Variants in PCDH15 observed in about 807,000 individuals in gnomAD.
PCDH15 encodes protocadherin related 15.
PCDH15 carries 129 observed loss-of-function variants against 178.5 expected under a neutral mutation model. That is an observed-to-expected ratio of 0.72 (90% CI 0.63 to 0.84). The LOEUF is 0.84. Among genes scored for constraint, PCDH15 ranks in the 40% least tolerant of loss-of-function variants. PCDH15 has a pLI of 0.00. For synonymous variants in PCDH15, 800 were observed against 732.0 expected (o/e 1.09, Z -1.50); for missense variants, 2,230 against 2,099.9 (o/e 1.06, Z -1.21).
chr10:54,987,546 G>GT (rs1213480948), intron 2 of PCDH15, among the ~76,000 whole-genome samples: 1 of 152,130 alleles, frequency 6.6e-6, no homozygotes, highest in African/African-American at 2.4e-5. Flanking sequence ...GGCCTTTTTA[G>GT]TGATTGCTAT....
chr10:54,434,763 T>C (rs2075270903), intron 3 of PCDH15, among the ~76,000 whole-genome samples: 1 of 152,144 alleles, frequency 6.6e-6, no homozygotes, highest in Non-Finnish European at 1.5e-5. Context: ...AGAACAAAAT[T>C]GGATGATGAA....
intron 3 of PCDH15, among the ~76,000 whole-genome samples, chr10:54,502,511 C>T (rs905428849): frequency 6.6e-6 from 1 of 152,006 alleles, no homozygotes; most frequent in African/African-American, 2.4e-5. Flanking sequence ...TCTTTTTGCC[C>T]TCTAAAGTAC....
intron 2 of PCDH15, among the ~76,000 whole-genome samples, chr10:55,067,483 G>T (rs1841595885): frequency 6.6e-6 from 1 of 151,890 alleles, no homozygotes; most frequent in South Asian, 2.1e-4. Flanking sequence ...TCATTCATGG[G>T]TAGACACTTA....
chr10:54,868,250 A>G (rs1237295239), intron 3 of PCDH15, among the ~76,000 whole-genome samples: 1 of 152,194 alleles, frequency 6.6e-6, no homozygotes, highest in Admixed American at 6.5e-5. Flanking sequence ...TTATAGATGT[A>G]GATTATTCTA....
chr10:54,469,077 C>A (rs2077718843), intron 3 of PCDH15, among the ~76,000 whole-genome samples: 1 of 151,996 alleles, frequency 6.6e-6, no homozygotes, highest in Non-Finnish European at 1.5e-5. Flanking sequence ...ATGGTTGAGA[C>A]TTTGTAATTT....
At chr10:54,231,413 A>G (rs547531172) in intron 9 of PCDH15, among the ~76,000 whole-genome samples, 1 of 152,350 alleles carries the variant, frequency 6.6e-6, no homozygotes, top group African/African-American at 2.4e-5. Flanking sequence ...AAATGTCTGG[A>G]TGTCCAGGCA....
At chr10:55,582,624 A>ATT (rs1477154346) in intron 2 of PCDH15, among the ~76,000 whole-genome samples, 51 of 62,254 alleles carry the variant, frequency 8.2e-4, no homozygotes, top group East Asian at 4.6e-3. Context: ...ATATATATAT[A>ATT]TATATTTTTT....
chr10:53,857,021 T>C (rs1231215028), intron 28 of PCDH15, among the ~76,000 whole-genome samples, 154 bp downstream of exon 28: 1 of 152,048 alleles, frequency 6.6e-6, no homozygotes, highest in Admixed American at 6.6e-5. Context: ...ATTTGGGTGG[T>C]TGGCACACTC....
chr10:54,639,566 T>C (rs1397002060), intron 2 of PCDH15, among the ~76,000 whole-genome samples: 1 of 152,152 alleles, frequency 6.6e-6, no homozygotes, highest in East Asian at 1.9e-4. Context: ...AAGATACTAA[T>C]GCCAAATGAT....
intron 3 of PCDH15, among the ~76,000 whole-genome samples, chr10:54,444,544 T>C (rs1451936606): frequency 6.6e-6 from 1 of 151,704 alleles, no homozygotes; most frequent in Non-Finnish European, 1.5e-5. Flanking sequence ...CTGTACACAT[T>C]TTTTTCTGAA....
intron 13 of PCDH15, among the ~76,000 whole-genome samples, chr10:54,154,707 A>G (rs1041964055): frequency 1.3e-5 from 2 of 152,184 alleles, no homozygotes; most frequent in South Asian, 2.1e-4. Flanking sequence ...GATAATGTCC[A>G]TAGACATAGC....
chr10:54,712,016 T>A (rs922794714), intron 1 of PCDH15, among the ~76,000 whole-genome samples: 5 of 151,952 alleles, frequency 3.3e-5, no homozygotes, highest in African/African-American at 1.2e-4. Context: ...ATATTACACA[T>A]CCTTAAATTC....
chr10:55,066,261 G>T (rs1351219818), intron 2 of PCDH15, among the ~76,000 whole-genome samples: 1 of 151,038 alleles, frequency 6.6e-6, no homozygotes, highest in Admixed American at 6.6e-5. Flanking sequence ...TTTAATAAAA[G>T]AATCAATTCT....
intron 2 of PCDH15, among the ~76,000 whole-genome samples, chr10:55,353,659 T>G (rs913559738): frequency 1.2e-4 from 19 of 152,180 alleles, no homozygotes; most frequent in South Asian, 1.2e-3. Flanking sequence ...TGGACTCTAA[T>G]AAAGTTCAGG....
chr10:55,594,406 T>TA (rs1842902161), intron 2 of PCDH15, among the ~76,000 whole-genome samples: 1 of 151,950 alleles, frequency 6.6e-6, no homozygotes. Context: ...AATCACAAAG[T>TA]AAAATATAAT....
intron 2 of PCDH15, among the ~76,000 whole-genome samples, chr10:55,073,807 C>T (rs1841810937): frequency 6.6e-6 from 1 of 151,872 alleles, no homozygotes; most frequent in Admixed American, 6.6e-5. Flanking sequence ...ATTTTTATTA[C>T]TGATTTATTC....
chr10:53,943,501 C>A (rs2610835), intron 23 of PCDH15, among the ~76,000 whole-genome samples: 9,915 of 150,166 alleles, frequency 0.066, 471 homozygotes, highest in East Asian at 0.13. Flanking sequence ...AACAAACAAA[C>A]AAAAAAAACA....
In PCDH15 at chr10:54,591,109, C is replaced by T. The variant is rs138727146; in HGVS notation, c.92-63232G>A. 6.4e-3 allele frequency among the ~76,000 whole-genome samples: 970 copies of T among 152,154 alleles called. 18 individuals are homozygous for T. The highest frequency in any genetic ancestry group is 0.022 in the African/African-American group (914 of 41,518). ...TAGCCACTAGCCAAATGCCCGAAGCCCCTAGAACCCCAGTGCCTAGTGTGG... is the reference window on the plus strand; with the variant it reads ...TAGCCACTAGCCAAATGCCCGAAGCTCCTAGAACCCCAGTGCCTAGTGTGG... On this transcript the variant is annotated intron_variant, in intron 2 of 37. Coordinates refer to ENST00000644397, the MANE Select transcript of PCDH15 (RefSeq NM_001384140.1).
intron 2 of PCDH15, among the ~76,000 whole-genome samples, chr10:55,572,810 G>A (rs150334435): frequency 1.6e-3 from 244 of 152,100 alleles, no homozygotes; most frequent in African/African-American, 5.5e-3. Flanking sequence ...CAGAGTGTTC[G>A]TGTAAAGTGC....
Sources: gnomAD v4.1 joint callset for allele counts (sites outside exome capture counted in the v4.1 genomes callset) on GRCh38, gnomAD v4.1.1 for gene constraint, MANE v1.5 for transcripts, NCBI Gene and HGNC (gene_info 2026-07-23, HGNC 2026-07-21) for gene names.